ZFYVE9: variants seen among roughly 807,000 people sequenced by gnomAD.
ZFYVE9 encodes the protein zinc finger FYVE-type containing 9, also known as zinc finger FYVE domain-containing protein 9.
A neutral mutation model predicts 126.7 loss-of-function variants in ZFYVE9; 43 were observed. The observed-to-expected ratio is 0.34, with a 90% CI of 0.27 to 0.44. ZFYVE9 has a LOEUF of 0.44. Among genes scored for constraint, ZFYVE9 ranks in the 20% least tolerant of loss-of-function variants. The pLI is 1.00. For missense variants in ZFYVE9, 1,476 were observed against 1,697.0 expected (o/e 0.87, Z 2.29); for synonymous variants, 521 against 597.4 (o/e 0.87, Z 1.87).
intron 1 of ZFYVE9, among the ~76,000 whole-genome samples, chr1:52,205,520 T>C (rs1246986226): frequency 1.3e-5 from 2 of 150,378 alleles, no homozygotes; most frequent in African/African-American, 5.0e-5. Context: ...TGCACCACCA[T>C]GCCTGGCTAA....
intron 1 of ZFYVE9, among the ~76,000 whole-genome samples, chr1:52,178,278 C>CAAAAA (rs78982846): frequency 5.1e-5 from 1 of 19,606 alleles, no homozygotes; most frequent in Non-Finnish European, 1.2e-4. Flanking sequence ...GACTCCATCT[C>CAAAAA]AAAAAAAAAA....
At position 52,278,575 on chromosome 1, in the gene ZFYVE9, T is replaced by A. The variant is rs879535277; in HGVS notation, c.2830T>A (p.Leu944Ile). Reference protein sequence around the residue: ...DGGPDPLVFVLNANLLSMVKI... With the variant: ...DGGPDPLVFVINANLLSMVKI... ...TGGCCCTGACCCACTTGTATTTGTT[T>A]TAAATGCAAATTTGTTGTCAATGGT... The change falls in exon 9 of 19, where the codon TTA (leucine) becomes ATA (isoleucine). Residue 944 changes from leucine (L) to isoleucine (I), a missense_variant. By Grantham distance (5) the Leu-to-Ile change is conservative. This residue lies in a region of ZFYVE9 where 669 missense variants were observed against 902.4 expected (regional missense o/e 0.74). Transcript: ENST00000287727. 6.3e-7 allele frequency: 1 copy of A among 1,596,476 alleles called. No homozygotes were observed. Among genetic ancestry groups the A allele is most frequent in the Non-Finnish European group, 8.5e-7 (1 of 1,170,900 alleles).
intron 8 of ZFYVE9, 45 bp from the exon 9 acceptor site, chr1:52,278,447 T>A (rs1557496695): frequency 1.2e-6 from 2 of 1,610,788 alleles, no homozygotes; most frequent in Admixed American, 1.7e-5. Context: ...TCTTTCTTGA[T>A]TTGTTCCTTT....
Position 52,216,406 on chromosome 1 carries a change from G to C in ZFYVE9, c.-105G>C, listed in dbSNP as rs1340315603. 2.5e-6 allele frequency: 1 copy of C among 398,382 alleles called. No individual in the cohort carries two copies. Among genetic ancestry groups the C allele is most frequent in the Non-Finnish European group, 4.4e-6 (1 of 226,004 alleles). 24.7% of individuals were successfully genotyped at this position (398,382 alleles called of 1,614,324 possible). A position where few individuals can be genotyped will look rare whatever the true frequency, so the allele number is the denominator to read the frequency against. ...CATACTGAATCAGCAGGACTGGCTG[G>C]TGGTGCAGCAGACATCATGAGTAAG... is the stretch of plus-strand genomic sequence containing the variant. On this transcript the variant is annotated 5_prime_UTR_variant, in exon 2 of 19. Coordinates refer to ENST00000287727, the MANE Select transcript of ZFYVE9 (RefSeq NM_004799.4).
chr1:52,203,947 A>G (rs922849594), intron 1 of ZFYVE9, among the ~76,000 whole-genome samples: 2 of 151,972 alleles, frequency 1.3e-5, no homozygotes, highest in African/African-American at 2.4e-5. Context: ...TTCATTGCCC[A>G]TCTGTTCTTG....
Position 52,304,471 on chromosome 1 carries a change from C to T in ZFYVE9, c.3438+546C>T, listed in dbSNP as rs1646062885. Among the ~76,000 whole-genome samples the T allele has an allele frequency of 3.9e-5, 6 of 152,220 alleles. No individual in the cohort carries two copies. The South Asian group carries it at 1.2e-3, about 32-fold the overall frequency. ...AGAGACGAGGTTTCACCATGTTAGC[C>T]AGACTGGTCTCAAACTCTTAATCTC... On this transcript the variant is annotated intron_variant, in intron 13 of 18. Transcript: ENST00000287727.
intron 13 of ZFYVE9, among the ~76,000 whole-genome samples, chr1:52,324,201 A>T (rs530927531): frequency 1.2e-4 from 19 of 152,158 alleles, no homozygotes; most frequent in African/African-American, 4.6e-4. Flanking sequence ...GTAAGCTATG[A>T]TTATGCCACT....
intron 16 of ZFYVE9, 114 bp downstream of exon 16, chr1:52,338,048 A>G (rs1646404554): frequency 7.6e-7 from 1 of 1,307,482 alleles, no homozygotes; most frequent in Non-Finnish European, 1.0e-6. Context: ...GCCTAAGAGA[A>G]AGACTGCTTT....
At chr1:52,172,870 G>C (rs1220255424) in intron 1 of ZFYVE9, among the ~76,000 whole-genome samples, 6 of 152,006 alleles carry the variant, frequency 3.9e-5, no homozygotes, top group African/African-American at 1.5e-4. Context: ...AGACTTTGCC[G>C]AAGTTGCTTA....
chr1:52,173,034 C>G (rs1468269409), intron 1 of ZFYVE9, among the ~76,000 whole-genome samples: 2 of 150,928 alleles, frequency 1.3e-5, no homozygotes, highest in Non-Finnish European at 3.0e-5. Context: ...ACTTCCAACA[C>G]TATGTTGAAT....
Position 52,247,614 on chromosome 1 carries a change from A to G in ZFYVE9, c.2178+8019A>G, listed in dbSNP as rs543105034. The stretch of plus-strand genomic sequence containing the variant: ...TGGGTTCAAGTGATTCTCCTGCCTC[A>G]GCCTCCCGAGTAGTTGGGATTACAA... On this transcript the variant is annotated intron_variant, in intron 4 of 18. Coordinates refer to ENST00000287727, the MANE Select transcript of ZFYVE9 (RefSeq NM_004799.4). Among the ~76,000 whole-genome samples, 142 of 152,204 alleles carry G rather than the reference A, an allele frequency of 9.3e-4. 1 individual carries two copies. Among genetic ancestry groups the G allele is most frequent in the South Asian group, 4.2e-3 (20 of 4,816 alleles).
At chr1:52,317,483 GAAAA>G (rs58562006) in intron 13 of ZFYVE9, among the ~76,000 whole-genome samples, 143,865 of 146,376 alleles carry the variant, frequency 0.98, 70,709 homozygotes, top group South Asian at 1. Flanking sequence ...CTCTGTCTCA[GAAAA>G]AAAAAAAAAA....
chr1:52,277,311 A>G (rs1365793602), intron 8 of ZFYVE9, among the ~76,000 whole-genome samples: 1 of 152,198 alleles, frequency 6.6e-6, no homozygotes, highest in African/African-American at 2.4e-5. Context: ...TTAACAGGGA[A>G]CTAAATTGGC....
intron 7 of ZFYVE9, among the ~76,000 whole-genome samples, chr1:52,270,785 G>A (rs977136789): frequency 2.0e-5 from 3 of 147,334 alleles, no homozygotes; most frequent in Non-Finnish European, 4.5e-5. Flanking sequence ...CTCTCAATTT[G>A]TATTTGTCTG....
chr1:52,336,387 T>TA (rs1553137531), intron 15 of ZFYVE9, among the ~76,000 whole-genome samples: 1 of 145,388 alleles, frequency 6.9e-6, no homozygotes, highest in Non-Finnish European at 1.5e-5. Flanking sequence ...TTTTTTTTTT[T>TA]AAGATGGAGG....
chr1:52,298,233 A>G (rs1347170148), intron 12 of ZFYVE9, among the ~76,000 whole-genome samples: 9 of 152,102 alleles, frequency 5.9e-5, no homozygotes, highest in Non-Finnish European at 1.3e-4. Context: ...CTAGCCCAAT[A>G]TTGTGAAGCA....
At chr1:52,261,962 A>G (rs1215964974) in intron 4 of ZFYVE9, among the ~76,000 whole-genome samples, 4 of 152,224 alleles carry the variant, frequency 2.6e-5, no homozygotes, top group African/African-American at 9.6e-5. Context: ...TTGCAGTCAT[A>G]CAGATTAATC....
chr1:52,228,113 C>T (rs957402415), intron 2 of ZFYVE9, among the ~76,000 whole-genome samples: 10 of 152,108 alleles, frequency 6.6e-5, no homozygotes, highest in African/African-American at 2.4e-4. Flanking sequence ...GGGTCTCACT[C>T]TGTTGCTGAG....
At chr1:52,276,117 A>G (rs1040721503) in intron 8 of ZFYVE9, among the ~76,000 whole-genome samples, 1 of 152,050 alleles carries the variant, frequency 6.6e-6, no homozygotes, top group Non-Finnish European at 1.5e-5. Flanking sequence ...TATGTTGACC[A>G]GGCTGGTCTT....
Sources: allele counts gnomAD v4.1 joint callset (sites outside exome capture counted in the v4.1 genomes callset), GRCh38; gene constraint gnomAD v4.1.1; regional missense constraint gnomAD v4.1.1; transcripts MANE v1.5; gene names NCBI Gene and HGNC (gene_info 2026-07-23, HGNC 2026-07-21).